HRH1: variants seen among roughly 807,000 people sequenced by gnomAD.
HRH1 encodes histamine receptor H1, also known as histamine H1 receptor.
A neutral mutation model predicts 10.3 loss-of-function variants in HRH1; 6 were observed. The ratio of observed to expected loss-of-function variants is 0.58; its 90% CI spans 0.32 to 1.15. HRH1 has a LOEUF of 1.15. Ranked by LOEUF, HRH1 falls within the 50% of genes most tolerant of loss-of-function variation. The pLI, the probability that HRH1 is intolerant of heterozygous loss-of-function variation, is 0.05. For missense variants in HRH1, 514 were observed against 615.3 expected (o/e 0.84, Z 1.74); for synonymous variants, 242 against 236.7 (o/e 1.02, Z -0.21).
intron 1 of HRH1, among the ~76,000 whole-genome samples, chr3:11,235,675 C>T (rs2152576260): frequency 6.6e-6 from 1 of 152,330 alleles, no homozygotes; most frequent in Admixed American, 6.5e-5. Flanking sequence ...GGGGACGCCA[C>T]CCCAGCAAGG....
chr3:11,219,013 C>A (rs1938608595), intron 1 of HRH1, among the ~76,000 whole-genome samples: 2 of 152,146 alleles, frequency 1.3e-5, no homozygotes, highest in South Asian at 4.1e-4. Flanking sequence ...GCCTCAGCCT[C>A]TGAGTAGCTG....
intron 1 of HRH1, among the ~76,000 whole-genome samples, chr3:11,149,174 G>T (rs959062197): frequency 2.0e-5 from 3 of 152,140 alleles, no homozygotes; most frequent in African/African-American, 7.2e-5. Flanking sequence ...GGCCACAAAG[G>T]TCAACCCCGT....
At chr3:11,149,828 G>T (rs1193191753), upstream of HRH1, among the ~76,000 whole-genome samples, 3 of 152,196 alleles carry the variant, frequency 2.0e-5, no homozygotes, top group Non-Finnish European at 4.4e-5. Flanking sequence ...AGAATTCCTG[G>T]AAAGAACTCC....
In HRH1 at chr3:11,263,167, T is replaced by G. The variant is rs563968963; in HGVS notation, c.*2666T>G. The G allele has an allele frequency of 2.3e-4, 39 of 167,222 alleles. No homozygotes were observed. Among genetic ancestry groups the G allele is most frequent in the Admixed American group, 1.6e-3 (25 of 15,300 alleles). The allele number at this position is 167,222 out of a possible 1,614,324, so 10.4% of individuals were successfully genotyped here. On this transcript the variant is annotated 3_prime_UTR_variant, in exon 2 of 2. Coordinates refer to ENST00000431010, the MANE Select transcript of HRH1 (RefSeq NM_001098212.2). The stretch of plus-strand genomic sequence containing the variant: ...TTTGAATGTATAAAAGACAACAGAC[T>G]ATGATACAGAAATGTCAGCCCCAGC...
intron 1 of HRH1, among the ~76,000 whole-genome samples, chr3:11,160,174 C>T (rs1340518700): frequency 1.3e-5 from 2 of 152,126 alleles, no homozygotes; most frequent in East Asian, 3.9e-4. Context: ...TTAGGCCAGG[C>T]TCTCCTTCTC....
chr3:11,155,854 T>C (rs950918897), intron 1 of HRH1, among the ~76,000 whole-genome samples: 1 of 152,134 alleles, frequency 6.6e-6, no homozygotes, highest in African/African-American at 2.4e-5. Context: ...CATGAGAGCA[T>C]CATTATGCAT....
At chr3:11,142,832 T>C (rs1307703955) in intron 1 of HRH1, among the ~76,000 whole-genome samples, 2 of 152,006 alleles carry the variant, frequency 1.3e-5, no homozygotes, top group African/African-American at 4.8e-5. Context: ...GAGAATTGCT[T>C]GTACCAGGTA....
At chr3:11,236,993 C>G (rs993313429) in intron 1 of HRH1, among the ~76,000 whole-genome samples, 2 of 151,942 alleles carry the variant, frequency 1.3e-5, no homozygotes, top group African/African-American at 4.8e-5. Context: ...TTTTTTTCCT[C>G]AAGAAGAGAA....
chr3:11,242,509 A>AAT (rs1559283215), intron 1 of HRH1, among the ~76,000 whole-genome samples: 2 of 120,768 alleles, frequency 1.7e-5, no homozygotes, highest in African/African-American at 3.3e-5. Flanking sequence ...AAAAAAAAAA[A>AAT]GCTGTAACAC....
chr3:11,183,325 G>C (rs1164574281), intron 1 of HRH1, among the ~76,000 whole-genome samples: 1 of 152,220 alleles, frequency 6.6e-6, no homozygotes, highest in Non-Finnish European at 1.5e-5. Flanking sequence ...GGAAACCTCA[G>C]ATTCTAAAGC....
At chr3:11,234,219 A>G (rs1939114745) in intron 1 of HRH1, 1 of 1,391,414 alleles carries the variant, frequency 7.2e-7, no homozygotes, top group Non-Finnish European at 9.9e-7. Flanking sequence ...GGTCCACTCC[A>G]AAAGGACTGG....
At chr3:11,185,140 G>A (rs1937431973) in intron 1 of HRH1, among the ~76,000 whole-genome samples, 1 of 151,972 alleles carries the variant, frequency 6.6e-6, no homozygotes, top group Non-Finnish European at 1.5e-5. Context: ...CATTTGAAGT[G>A]CCTGGGTCCT....
chr3:11,154,675 C>T lies in HRH1; in HGVS notation c.-36+121C>T, dbSNP rs2125004978. The T allele has an allele frequency of 6.6e-6, 1 of 152,168 alleles. No homozygotes were observed. The highest frequency in any genetic ancestry group is 1.9e-4 in the East Asian group (1 of 5,136). 9.4% of individuals were successfully genotyped at this position (152,168 alleles called of 1,614,324 possible). A position where few individuals can be genotyped will look rare whatever the true frequency, so the allele number is the denominator to read the frequency against. ...AGGGCGGCCGGGAACCCCGGAGCCG[C>T]CCGCTTGAGAAGAGCGCGCTTGGGT... On this transcript the variant is annotated intron_variant, in intron 1 of 1. Transcript: ENST00000431010. This position sits in a 1 kb window ranked among gnomAD's most constrained non-coding sequence, Gnocchi z 4.4.
intron 1 of HRH1, among the ~76,000 whole-genome samples, chr3:11,180,834 T>C (rs182718893): frequency 6.6e-6 from 1 of 152,228 alleles, no homozygotes; most frequent in East Asian, 1.9e-4. Flanking sequence ...ATAAACCACA[T>C]TTTGGTTATT....
At chr3:11,204,056 C>T (rs1032632193) in intron 1 of HRH1, among the ~76,000 whole-genome samples, 5 of 152,150 alleles carry the variant, frequency 3.3e-5, no homozygotes, top group South Asian at 4.1e-4. Flanking sequence ...GTATCTCATT[C>T]GTCAAACACC....
intron 1 of HRH1, among the ~76,000 whole-genome samples, chr3:11,242,351 G>A (rs1313556300): frequency 6.6e-6 from 1 of 151,836 alleles, no homozygotes; most frequent in African/African-American, 2.4e-5. Context: ...CATGGTGGCG[G>A]GTGCCTGTAC....
chr3:11,177,007 C>T (rs771908097), intron 1 of HRH1, among the ~76,000 whole-genome samples: 2 of 151,856 alleles, frequency 1.3e-5, no homozygotes, highest in African/African-American at 4.8e-5. Context: ...GCATGAGAAT[C>T]GCTTAAACCT....
chr3:11,218,841 G>A (rs1389946736), intron 1 of HRH1, among the ~76,000 whole-genome samples: 2 of 151,932 alleles, frequency 1.3e-5, no homozygotes, highest in Non-Finnish European at 2.9e-5. Flanking sequence ...CTCCCAAAGT[G>A]CTGGGATTAC....
intron 1 of HRH1, among the ~76,000 whole-genome samples, chr3:11,193,834 G>A (rs573357783): frequency 6.6e-6 from 1 of 152,324 alleles, no homozygotes; most frequent in Non-Finnish European, 1.5e-5. Context: ...TTCAGGAGAG[G>A]TTAGAATTTC....
Sources: gnomAD v4.1 joint callset for allele counts (sites outside exome capture counted in the v4.1 genomes callset) on GRCh38, gnomAD v4.1.1 for gene constraint, Gnocchi (gnomAD v3.1) non-coding constraint, MANE v1.5 for transcripts, NCBI Gene and HGNC (gene_info 2026-07-23, HGNC 2026-07-21) for gene names.